UNC5D: variants seen among roughly 807,000 people sequenced by gnomAD.
UNC5D encodes the protein unc-5 netrin receptor D.
Under a neutral mutation model 105.4 loss-of-function variants are expected in UNC5D, and 39 were observed. The ratio of observed to expected loss-of-function variants is 0.37; its 90% CI spans 0.29 to 0.48. The LOEUF (loss-of-function observed/expected upper bound fraction) is 0.48, where lower values mean the gene tolerates loss of function less well. UNC5D is among the 20% of genes least tolerant of loss of function. UNC5D has a pLI of 0.98. For missense variants in UNC5D, 991 were observed against 1,202.4 expected, an observed-to-expected ratio of 0.82 and a Z score of 2.60; for synonymous variants, 452 against 450.4, an observed-to-expected ratio of 1.00 and a Z score of -0.04.
chr8:35,755,802 G>C (rs931880176), intron 13 of UNC5D, among the ~76,000 whole-genome samples: 1 of 152,168 alleles, frequency 6.6e-6, no homozygotes. Context: ...TTTAACAATG[G>C]AATGAGGTAT....
chr8:35,275,704 C>T (rs1805728597), intron 1 of UNC5D, among the ~76,000 whole-genome samples: 1 of 152,200 alleles, frequency 6.6e-6, no homozygotes, highest in Non-Finnish European at 1.5e-5. Flanking sequence ...ATCACTGTGG[C>T]AGTTTCCTCA....
At chr8:35,325,933 A>G (rs373411916) in intron 1 of UNC5D, among the ~76,000 whole-genome samples, 3 of 152,310 alleles carry the variant, frequency 2.0e-5, no homozygotes, top group South Asian at 4.1e-4. Flanking sequence ...ACAAGTTTAC[A>G]CAGCAAATAC....
chr8:35,239,240 G>A (rs1802657007), intron 1 of UNC5D, among the ~76,000 whole-genome samples: 1 of 152,122 alleles, frequency 6.6e-6, no homozygotes, highest in Admixed American at 6.5e-5. Flanking sequence ...ACCTCACAGG[G>A]GAGGGAAACA....
intron 1 of UNC5D, among the ~76,000 whole-genome samples, chr8:35,300,124 C>A (rs1464070809): frequency 6.6e-6 from 1 of 151,974 alleles, no homozygotes; most frequent in Non-Finnish European, 1.5e-5. Context: ...AACAGCACTT[C>A]TCTTATGCCT....
chr8:35,384,270 G>A (rs146887828), intron 1 of UNC5D, among the ~76,000 whole-genome samples: 57 of 151,980 alleles, frequency 3.8e-4, no homozygotes, highest in African/African-American at 1.4e-3. Context: ...GGTCTTATAT[G>A]TGTATTTATA....
At chr8:35,751,938 A>G (rs7825790) in intron 13 of UNC5D, among the ~76,000 whole-genome samples, 2,052 of 152,288 alleles carry the variant, frequency 0.013, 36 homozygotes, top group African/African-American at 0.047. Flanking sequence ...CAAGAGAAAA[A>G]AAGCAGCATG....
At position 35,762,200 on chromosome 8, in the gene UNC5D, C is replaced by T. The variant is rs553528831; in HGVS notation, c.2313+2731C>T. The stretch of plus-strand genomic sequence containing the variant: ...AGAAAGGTACAAGCTAGGGAGGTAC[C>T]CAGTGCATACAATGTTTTCCCTATC... On this transcript the variant is annotated intron_variant, in intron 14 of 16. Transcript: ENST00000404895. Among the ~76,000 whole-genome samples the T allele has an allele frequency of 2.0e-5, 3 of 152,160 alleles. No homozygotes were observed. The South Asian group carries it at 6.2e-4, about 32-fold the overall frequency.
At chr8:35,324,066 C>T (rs577979182) in intron 1 of UNC5D, among the ~76,000 whole-genome samples, 2 of 151,544 alleles carry the variant, frequency 1.3e-5, no homozygotes, top group Admixed American at 1.3e-4. Flanking sequence ...CCCATCTATA[C>T]CAAAAAGTTA....
rs527860661 is a variant in UNC5D, at chr8:35,273,705, C to T, written c.103+37818C>T. ...GTGTTTTAGTCTCATATCATAACCA[C>T]TCTAGGATGGTAATATTTGAAAATT... is the stretch of plus-strand genomic sequence containing the variant. On this transcript the variant is annotated intron_variant, in intron 1 of 16. Coordinates refer to ENST00000404895, the MANE Select transcript of UNC5D (RefSeq NM_080872.4). 1.5e-4 allele frequency among the ~76,000 whole-genome samples: 23 copies of T among 152,322 alleles called. No homozygotes were observed. The South Asian group carries it at 4.8e-3, about 32-fold the overall frequency.
At chr8:35,269,068 T>A (rs1805091889) in intron 1 of UNC5D, among the ~76,000 whole-genome samples, 1 of 152,230 alleles carries the variant, frequency 6.6e-6, no homozygotes, top group African/African-American at 2.4e-5. Flanking sequence ...TAAATGTTTC[T>A]GGCATAAAGA....
In UNC5D at chr8:35,789,385, T is replaced by C. The variant is rs79976612; in HGVS notation, c.2658-974T>C. Among the ~76,000 whole-genome samples the C allele has an allele frequency of 3.4e-3, 515 of 150,840 alleles. 17 individuals are homozygous for C. In the East Asian group the frequency reaches 0.065, roughly 19 times the overall value. On this transcript the variant is annotated intron_variant, in intron 16 of 16. Coordinates refer to ENST00000404895, the MANE Select transcript of UNC5D (RefSeq NM_080872.4). ...AGACCATAAAGTGACAGAGTATAAATTAGGTATAGGTAGTAAACATGGAGA... is the reference window on the plus strand; with the variant it reads ...AGACCATAAAGTGACAGAGTATAAACTAGGTATAGGTAGTAAACATGGAGA...
At chr8:35,588,726 C>T (rs1172635707) in intron 3 of UNC5D, among the ~76,000 whole-genome samples, 3 of 152,102 alleles carry the variant, frequency 2.0e-5, no homozygotes, top group Non-Finnish European at 4.4e-5. Flanking sequence ...CACTTCTACA[C>T]AACTCATGAA....
intron 4 of UNC5D, among the ~76,000 whole-genome samples, chr8:35,612,723 C>CTTTTTTTTTTTTT (rs57450378): frequency 3.0e-3 from 194 of 64,758 alleles, no homozygotes; most frequent in Non-Finnish European, 3.4e-3. Context: ...AATGTTTTGC[C>CTTTTTTTTTTTTT]TTTTTTTTTT....
intron 16 of UNC5D, among the ~76,000 whole-genome samples, chr8:35,780,531 G>A (rs1317539509): frequency 6.6e-6 from 1 of 152,168 alleles, no homozygotes; most frequent in Non-Finnish European, 1.5e-5. Flanking sequence ...AATCACTTGA[G>A]GTAGGAGAGT....
intron 1 of UNC5D, among the ~76,000 whole-genome samples, chr8:35,266,360 T>G (rs1804870410): frequency 6.6e-6 from 1 of 152,222 alleles, no homozygotes; most frequent in Non-Finnish European, 1.5e-5. Context: ...CCATATATAG[T>G]AAATACTGTT....
chr8:35,294,098 T>C (rs924646474), intron 1 of UNC5D, among the ~76,000 whole-genome samples: 3 of 152,208 alleles, frequency 2.0e-5, no homozygotes, highest in Non-Finnish European at 4.4e-5. Context: ...CTTCTTGTTA[T>C]GTAACTCAAA....
At chr8:35,342,057 A>G (rs940818820) in intron 1 of UNC5D, among the ~76,000 whole-genome samples, 3 of 152,036 alleles carry the variant, frequency 2.0e-5, no homozygotes, top group Admixed American at 2.0e-4. Flanking sequence ...TCTGAAAAAT[A>G]TTTACCGTGG....
chr8:35,358,413 A>G (rs1046928502), intron 1 of UNC5D, among the ~76,000 whole-genome samples: 3 of 152,156 alleles, frequency 2.0e-5, no homozygotes, highest in Non-Finnish European at 4.4e-5. Flanking sequence ...GAAACACCGC[A>G]TGTTCTCATT....
At chr8:35,344,852 T>C (rs1811691490) in intron 1 of UNC5D, among the ~76,000 whole-genome samples, 1 of 152,042 alleles carries the variant, frequency 6.6e-6, no homozygotes, top group Non-Finnish European at 1.5e-5. Flanking sequence ...AAAATTCCTT[T>C]AAGAAGCACA....
Sources: gnomAD v4.1 joint callset for allele counts (sites outside exome capture counted in the v4.1 genomes callset) on GRCh38, gnomAD v4.1.1 for gene constraint, MANE v1.5 for transcripts, NCBI Gene and HGNC (gene_info 2026-07-23, HGNC 2026-07-21) for gene names.